Variants in SYT16 observed in about 807,000 individuals in gnomAD.
SYT16 encodes the protein synaptotagmin-16.
SYT16 carries 42 observed loss-of-function variants against 61.4 expected under a neutral mutation model. That is an observed-to-expected ratio of 0.68 (90% CI 0.53 to 0.89). The LOEUF is 0.89. SYT16 is among the 40% of genes least tolerant of loss of function. SYT16 has a pLI of 0.00. For synonymous variants in SYT16, 314 were observed against 302.3 expected (o/e 1.04, Z -0.40); for missense variants, 804 against 807.3 (o/e 1.00, Z 0.05).
At chr14:61,970,904 A>G (rs2051521345) in intron 2 of SYT16, among the ~76,000 whole-genome samples, 1 of 151,826 alleles carries the variant, frequency 6.6e-6, no homozygotes, top group African/African-American at 2.4e-5. Flanking sequence ...TTTAAAGAGA[A>G]TACTCTTATC....
Position 62,103,914 on chromosome 14 carries a change from A to G in SYT16, c.*3207A>G, listed in dbSNP as rs1405330722. ...GAAAATTAACTGACATCAAATGTCA[A>G]TATTCTCCATAGTCCTAGGTGCCAG... is the stretch of plus-strand genomic sequence containing the variant. On this transcript the variant is annotated 3_prime_UTR_variant, in exon 8 of 8. Transcript: ENST00000683842. The G allele has an allele frequency of 6.6e-6, 1 of 152,206 alleles. No homozygotes were observed. The highest frequency in any genetic ancestry group is 2.4e-5 in the African/African-American group (1 of 41,454). The allele number at this position is 152,206 out of a possible 1,614,324, so 9.4% of individuals were successfully genotyped here.
intron 1 of SYT16, among the ~76,000 whole-genome samples, chr14:61,889,796 C>T (rs1258432825): frequency 1.3e-5 from 2 of 152,034 alleles, no homozygotes; most frequent in African/African-American, 4.8e-5. Context: ...AGCTAAATAA[C>T]TCTCTTTTCT....
chr14:62,079,394 A>C, intron 5 of SYT16: 1 of 1,213,680 alleles, frequency 8.2e-7, no homozygotes, highest in Non-Finnish European at 1.1e-6. Flanking sequence ...CTGTCTGTCA[A>C]GTCCTCTACT....
intron 6 of SYT16, 124 bp from the exon 7 acceptor site, chr14:62,084,072 C>A: frequency 8.5e-7 from 1 of 1,174,506 alleles, no homozygotes; most frequent in Non-Finnish European, 1.2e-6. Flanking sequence ...CCGAGTGCGC[C>A]CTTAGTCATC....
At chr14:62,047,798 A>G (rs180926489) in intron 3 of SYT16, among the ~76,000 whole-genome samples, 81 of 152,222 alleles carry the variant, frequency 5.3e-4, no homozygotes, top group Non-Finnish European at 1.0e-3. Context: ...TGTATGTTGA[A>G]CCAGCCTTGC....
intron 1 of SYT16, among the ~76,000 whole-genome samples, chr14:61,950,354 G>C (rs1162925219): frequency 6.6e-6 from 1 of 152,122 alleles, no homozygotes; most frequent in Non-Finnish European, 1.5e-5. Flanking sequence ...TAGTAGTTGT[G>C]TTTTCAGATC....
intron 1 of SYT16, among the ~76,000 whole-genome samples, chr14:61,839,804 G>A (rs968676309): frequency 6.6e-6 from 1 of 151,944 alleles, no homozygotes; most frequent in Non-Finnish European, 1.5e-5. Flanking sequence ...TTAGGGAAAT[G>A]TGCCAGTTCC....
intron 1 of SYT16, among the ~76,000 whole-genome samples, chr14:61,929,420 A>T (rs2049672384): frequency 6.6e-6 from 1 of 152,242 alleles, no homozygotes. Flanking sequence ...TCAGGTGAAG[A>T]GGAGAGATTC....
At chr14:61,848,244 A>G (rs920630102) in intron 1 of SYT16, among the ~76,000 whole-genome samples, 2 of 152,146 alleles carry the variant, frequency 1.3e-5, no homozygotes, top group African/African-American at 2.4e-5. Context: ...GTTGTGATCT[A>G]AGCGTTTGGT....
At chr14:61,887,019 C>T (rs544081603) in intron 1 of SYT16, among the ~76,000 whole-genome samples, 130 of 151,758 alleles carry the variant, frequency 8.6e-4, no homozygotes, top group Non-Finnish European at 1.6e-3. Context: ...GGATTACAGG[C>T]GTGAGCCACT....
intron 1 of SYT16, among the ~76,000 whole-genome samples, chr14:61,852,730 G>T (rs2046653513): frequency 1.3e-5 from 2 of 152,038 alleles, no homozygotes; most frequent in African/African-American, 4.8e-5. Flanking sequence ...GCCTGTTGTT[G>T]GTGTATAGGA....
rs561028507 is a variant in SYT16 at position 62,095,015 on chromosome 14, A to G, written c.1625-5379A>G. Among the ~76,000 whole-genome samples the G allele has an allele frequency of 2.0e-4, 30 of 152,144 alleles. 2 individuals are homozygous for G. The East Asian group carries it at 5.6e-3, about 28-fold the overall frequency. Reference sequence around the variant, plus strand: ...TCCTTCCACTTTCCTGTCTCTTGCCATAGCTTTCTTTAGTGGAACCTTACT... The same window carrying G: ...TCCTTCCACTTTCCTGTCTCTTGCCGTAGCTTTCTTTAGTGGAACCTTACT... On this transcript the variant is annotated intron_variant, in intron 7 of 7. Coordinates refer to ENST00000683842, the MANE Select transcript of SYT16 (RefSeq NM_001367656.1).
At chr14:62,014,303 C>T (rs1454998908) in intron 3 of SYT16, among the ~76,000 whole-genome samples, 1 of 152,054 alleles carries the variant, frequency 6.6e-6, no homozygotes, top group Non-Finnish European at 1.5e-5. Context: ...AGATATAAGT[C>T]CTTCTCAATC....
chr14:62,045,559 G>A (rs183513730), intron 3 of SYT16, among the ~76,000 whole-genome samples: 55 of 151,970 alleles, frequency 3.6e-4, no homozygotes, highest in African/African-American at 1.2e-3. Flanking sequence ...CCATTAACTC[G>A]TCATTTAACA....
chr14:62,084,848 G>A (rs2056833344), intron 7 of SYT16, among the ~76,000 whole-genome samples: 1 of 152,172 alleles, frequency 6.6e-6, no homozygotes. Context: ...GACAAAAAAA[G>A]ATATTAATAG....
chr14:61,932,429 AC>A (rs1343175817), intron 1 of SYT16, among the ~76,000 whole-genome samples: 1 of 152,216 alleles, frequency 6.6e-6, no homozygotes, highest in Non-Finnish European at 1.5e-5. Flanking sequence ...CAGGAAACTT[AC>A]AATCGTGGTG....
chr14:61,837,239 T>G (rs1332062096), intron 1 of SYT16, among the ~76,000 whole-genome samples: 2 of 150,496 alleles, frequency 1.3e-5, no homozygotes, highest in African/African-American at 4.9e-5. Context: ...GCTGATTTTT[T>G]TTTTTTTTTT....
intron 1 of SYT16, among the ~76,000 whole-genome samples, chr14:61,817,330 A>C (rs1164345629): frequency 6.6e-6 from 1 of 151,600 alleles, no homozygotes; most frequent in African/African-American, 2.4e-5. Context: ...AGGCAGGAGA[A>C]TCTCTTGAAC....
At chr14:61,933,197 T>C (rs2049845807) in intron 1 of SYT16, among the ~76,000 whole-genome samples, 1 of 152,150 alleles carries the variant, frequency 6.6e-6, no homozygotes, top group South Asian at 2.1e-4. Flanking sequence ...TGCTGACAGT[T>C]AAATCACCAT....
Sources: gnomAD v4.1 joint callset for allele counts (sites outside exome capture counted in the v4.1 genomes callset) on GRCh38, gnomAD v4.1.1 for gene constraint, MANE v1.5 for transcripts, NCBI Gene and HGNC (gene_info 2026-07-23, HGNC 2026-07-21) for gene names.